CDH18: variants seen among roughly 807,000 people sequenced by gnomAD.
The protein encoded by CDH18 is cadherin 18, also known as cadherin-18.
CDH18 carries 31 observed loss-of-function variants against 67.9 expected under a neutral mutation model. The observed-to-expected ratio is 0.46, with a 90% CI of 0.34 to 0.62. The LOEUF (loss-of-function observed/expected upper bound fraction) is 0.62, where lower values mean the gene tolerates loss of function less well. CDH18 is among the 20% of genes least tolerant of loss of function. CDH18 has a pLI of 0.01. For synonymous variants in CDH18, 362 were observed against 347.2 expected (o/e 1.04, Z -0.48); for missense variants, 890 against 975.5 (o/e 0.91, Z 1.17).
Position 19,509,211 on chromosome 5 carries a change from G to A in CDH18, c.1513-6102C>T, listed in dbSNP as rs534256140. Among the ~76,000 whole-genome samples the A allele has an allele frequency of 6.6e-5, 10 of 151,992 alleles. No individual in the cohort carries two copies. In the South Asian group the frequency reaches 8.3e-4, roughly 13 times the overall value. ...AGAAATAGAAAACCAAATACCACGC[G>A]TTCTCACTTATAAATGGAAGCTAAA... On this transcript the variant is annotated intron_variant, in intron 10 of 12. Coordinates refer to ENST00000382275, the MANE Select transcript of CDH18 (RefSeq NM_004934.5).
chr5:20,288,363 C>T (rs978571218), intron 1 of CDH18, among the ~76,000 whole-genome samples: 2 of 151,414 alleles, frequency 1.3e-5, no homozygotes, highest in African/African-American at 2.4e-5. Flanking sequence ...ACTAGCATGT[C>T]CCTTTTAATT....
intron 11 of CDH18, among the ~76,000 whole-genome samples, chr5:19,490,252 T>C (rs1223223255): frequency 6.6e-6 from 1 of 151,958 alleles, no homozygotes; most frequent in Non-Finnish European, 1.5e-5. Context: ...AGCAGGTGAC[T>C]CCTGTAGCAC....
chr5:20,133,557 T>C (rs1199671967), intron 2 of CDH18, among the ~76,000 whole-genome samples: 1 of 152,080 alleles, frequency 6.6e-6, no homozygotes, highest in Non-Finnish European at 1.5e-5. Flanking sequence ...GAATTATAAG[T>C]TATTTGTTTT....
At chr5:19,990,229 T>G (rs1482085940), upstream of CDH18, among the ~76,000 whole-genome samples, 1 of 152,196 alleles carries the variant, frequency 6.6e-6, no homozygotes. Flanking sequence ...ATAGTTTAAT[T>G]GTTAAAATTC....
intron 1 of CDH18, among the ~76,000 whole-genome samples, chr5:20,302,500 T>C (rs1384257002): frequency 1.3e-5 from 2 of 152,120 alleles, no homozygotes; most frequent in East Asian, 3.9e-4. Flanking sequence ...CGCGGATTCA[T>C]CCAAAGCCAC....
At chr5:20,226,209 A>T (rs991720861) in intron 2 of CDH18, among the ~76,000 whole-genome samples, 3 of 152,092 alleles carry the variant, frequency 2.0e-5, no homozygotes, top group Non-Finnish European at 4.4e-5. Flanking sequence ...AAGCAAAAAA[A>T]ATCTTACTCT....
chr5:19,494,905 C>T lies in CDH18; in HGVS notation c.1630+8087G>A, dbSNP rs180707884. 2.5e-3 allele frequency among the ~76,000 whole-genome samples: 384 copies of T among 152,248 alleles called. 3 individuals are homozygous for T. Among genetic ancestry groups the T allele is most frequent in the African/African-American group, 8.8e-3 (367 of 41,546 alleles). On this transcript the variant is annotated intron_variant, in intron 11 of 12. Coordinates refer to ENST00000382275, the MANE Select transcript of CDH18 (RefSeq NM_004934.5). ...TTGGAAAAGAGAATGAGTTGGAAAT[C>T]GATTCTTAGGCTATAATTTCTGTCA...
intron 2 of CDH18, among the ~76,000 whole-genome samples, chr5:20,075,195 TG>T (rs1743819783): frequency 6.6e-6 from 1 of 152,090 alleles, no homozygotes; most frequent in Admixed American, 6.6e-5. Flanking sequence ...CATCACTGAA[TG>T]GAAGTAATCT....
At chr5:19,632,419 C>T (rs921960543) in intron 5 of CDH18, among the ~76,000 whole-genome samples, 2 of 152,174 alleles carry the variant, frequency 1.3e-5, no homozygotes, top group Non-Finnish European at 2.9e-5. Context: ...ACATTTTTCA[C>T]AGGTTGACTA....
At chr5:20,533,216 G>C (rs919677381) in intron 1 of CDH18, among the ~76,000 whole-genome samples, 3 of 152,064 alleles carry the variant, frequency 2.0e-5, no homozygotes, top group Admixed American at 6.6e-5. Flanking sequence ...AAGAGGCACA[G>C]AGCAGATACT....
At chr5:20,469,687 C>G (rs2471153) in intron 1 of CDH18, among the ~76,000 whole-genome samples, 59,764 of 151,838 alleles carry the variant, frequency 0.39, 14,178 homozygotes, top group Non-Finnish European at 0.53. Context: ...AGTTTTTTTG[C>G]TCCCTGGTCT....
chr5:19,846,035 G>T (rs1412747182), intron 2 of CDH18, among the ~76,000 whole-genome samples: 3 of 151,750 alleles, frequency 2.0e-5, no homozygotes, highest in Non-Finnish European at 4.4e-5. Context: ...AATTTCTATT[G>T]CCATTTTGTT....
At chr5:20,339,367 TGGTCTGA>T (rs1740056622) in intron 1 of CDH18, among the ~76,000 whole-genome samples, 2 of 152,122 alleles carry the variant, frequency 1.3e-5, no homozygotes, top group African/African-American at 4.8e-5. Flanking sequence ...TGAGCGTAAA[TGGTCTGA>T]GGTCCCATAT....
At chr5:20,352,417 C>T (rs935126756) in intron 1 of CDH18, among the ~76,000 whole-genome samples, 58 of 151,938 alleles carry the variant, frequency 3.8e-4, no homozygotes, top group African/African-American at 1.4e-3. Flanking sequence ...GGGGCCAGCA[C>T]CCCAAATCTT....
chr5:19,693,078 CT>C lies in CDH18; in HGVS notation c.643+28268del, dbSNP rs34074107. Among the ~76,000 whole-genome samples, 550 of 146,072 alleles carry C rather than the reference CT, an allele frequency of 3.8e-3. 3 individuals are homozygous for C. The highest frequency in any genetic ancestry group is 8.3e-3 in the Admixed American group (122 of 14,634). ...TATTTTGCCATAAAATAATAAAATC[CT>C]TTTTTTTTTTGCAGCCACATGGATG... On this transcript the variant is annotated intron_variant, in intron 5 of 12. Transcript: ENST00000382275.
At chr5:20,271,169 A>T in intron 1 of CDH18, among the ~76,000 whole-genome samples, 1 of 152,224 alleles carries the variant, frequency 6.6e-6, no homozygotes, top group Middle Eastern at 3.4e-3. Context: ...AATAAATAAA[A>T]TAGAAAATAA....
At chr5:20,574,992 A>C (rs1009906856) in intron 1 of CDH18, among the ~76,000 whole-genome samples, 1 of 151,780 alleles carries the variant, frequency 6.6e-6, no homozygotes. Context: ...AAAAAAAAAA[A>C]CCACTAGCAA....
At chr5:20,371,208 G>A (rs1011345853) in intron 1 of CDH18, among the ~76,000 whole-genome samples, 11 of 152,054 alleles carry the variant, frequency 7.2e-5, no homozygotes, top group African/African-American at 2.7e-4. Flanking sequence ...GAGGATAAAG[G>A]AATCCAGAAT....
intron 7 of CDH18, among the ~76,000 whole-genome samples, chr5:19,574,744 T>TA (rs11296304): frequency 3.1e-4 from 46 of 148,600 alleles, no homozygotes; most frequent in East Asian, 1.4e-3. Context: ...CTTTCTTAGT[T>TA]AAAAAAAAAA....
Sources: allele counts gnomAD v4.1 joint callset (sites outside exome capture counted in the v4.1 genomes callset), GRCh38; gene constraint gnomAD v4.1.1; transcripts MANE v1.5; gene names NCBI Gene and HGNC (gene_info 2026-07-23, HGNC 2026-07-21).